The following CRKL variants were observed in gnomAD, a reference collection of about 807,000 sequenced individuals.
The protein encoded by CRKL is CRK like proto-oncogene, adaptor protein, also known as crk-like protein.
In CRKL, 3 loss-of-function variants were observed where a neutral mutation model predicts 23.0. The observed-to-expected ratio is 0.13, with a 90% CI of 0.06 to 0.34. CRKL has a LOEUF of 0.34. Ranked by LOEUF, CRKL falls within the 10% of genes least tolerant of loss-of-function variation. The probability of loss-of-function intolerance (pLI) is 1.00; values close to 1 mark genes in which losing one functional copy is unlikely to be tolerated. For missense variants in CRKL, 256 were observed against 394.5 expected (o/e 0.65, Z 2.97); for synonymous variants, 188 against 160.7 (o/e 1.17, Z -1.28).
In CRKL at chr22:20,938,919, A is replaced by G. The variant is rs1033837093; in HGVS notation, c.777+4675A>G. On this transcript the variant is annotated intron_variant, in intron 2 of 2. Coordinates refer to ENST00000354336, the MANE Select transcript of CRKL (RefSeq NM_005207.4). The stretch of plus-strand genomic sequence containing the variant: ...GTGGGAATTGAAGTCAGTGAAACAG[A>G]TCGTGTGGAGGAAAAATAGTTTCCC... 1.2e-4 allele frequency among the ~76,000 whole-genome samples: 18 copies of G among 152,134 alleles called. 1 individual carries two copies. The highest frequency in any genetic ancestry group is 1.6e-4 in the Non-Finnish European group (11 of 68,016).
chr22:20,947,170 G>A (rs933984786), intron 2 of CRKL, among the ~76,000 whole-genome samples: 2 of 151,526 alleles, frequency 1.3e-5, no homozygotes, highest in Non-Finnish European at 2.9e-5. Context: ...CTTGAATCCT[G>A]TGCTCTGCAG....
intron 2 of CRKL, among the ~76,000 whole-genome samples, chr22:20,946,604 C>A (rs985055935): frequency 2.0e-5 from 3 of 152,076 alleles, no homozygotes; most frequent in Non-Finnish European, 2.9e-5. Flanking sequence ...GCCCCGTGAA[C>A]TGAGTTGGTA....
rs1422177625 is a variant in CRKL at position 20,918,049 on chromosome 22, C to G, written c.115C>G (p.Arg39Gly). Residue 39 changes from arginine (R) to glycine (G), a missense_variant, in exon 1 of 3, where the codon CGC becomes GGC. This residue lies in a region of CRKL where 85 missense variants were observed against 139.8 expected (regional missense o/e 0.61). Coordinates refer to ENST00000354336, the MANE Select transcript of CRKL (RefSeq NM_005207.4). ...CCAGCGCCACGGTATGTTCCTCGTC[C>G]GCGATTCTTCCACCTGCCCTGGGGA... ...QGQRHGMFLV[R>G]DSSTCPGDYV... is the part of the protein sequence containing the mutation. The G allele has an allele frequency of 6.2e-7, 1 of 1,614,260 alleles. No individual in the cohort carries two copies. The highest frequency in any genetic ancestry group is 8.5e-7 in the Non-Finnish European group (1 of 1,180,048).
chr22:20,917,910 G>C lies in CRKL; in HGVS notation c.-25G>C, dbSNP rs765714568. The stretch of plus-strand genomic sequence containing the variant: ...GGCGAGGACAGCCGCCGCCCCTACC[G>C]CCGCAGAGTCCCCGGTCCAACACCA... On this transcript the variant is annotated 5_prime_UTR_variant, in exon 1 of 3. Coordinates refer to ENST00000354336, the MANE Select transcript of CRKL (RefSeq NM_005207.4). The C allele has an allele frequency of 6.2e-7, 1 of 1,603,130 alleles. No homozygotes were observed. The highest frequency in any genetic ancestry group is 1.1e-5 in the South Asian group (1 of 89,938).
intron 2 of CRKL, among the ~76,000 whole-genome samples, chr22:20,940,535 TAAG>T (rs1215135267): frequency 6.6e-6 from 1 of 150,838 alleles, no homozygotes; most frequent in Non-Finnish European, 1.5e-5. Flanking sequence ...GGTCAGCTCT[TAAG>T]AACACCCTTT....
At chr22:20,941,588 A>ATATATATTTTTTTT (rs1247116681) in intron 2 of CRKL, among the ~76,000 whole-genome samples, 1 of 33,554 alleles carries the variant, frequency 3.0e-5, no homozygotes, top group African/African-American at 1.2e-4. Context: ...GTATATATAT[A>ATATATATTTTTTTT]TTTTTTTTTT....
chr22:20,927,215 C>T (rs191858857), intron 1 of CRKL, among the ~76,000 whole-genome samples: 420 of 8,976 alleles, frequency 0.047, 5 homozygotes, highest in African/African-American at 0.14. Context: ...TTTTTTGAGA[C>T]AGTGTCGCTC....
rs771877816 is a variant in CRKL at position 20,946,723 on chromosome 22, C to CAA, written c.778-2977_778-2976dup. On this transcript the variant is annotated intron_variant, in intron 2 of 2. Transcript: ENST00000354336. ...TGAAGGTGTAGAGCACCCCTCCCTCCAAAAAAAAAAAACAGATTGATCTGC... is the reference window on the plus strand; with the variant it reads ...TGAAGGTGTAGAGCACCCCTCCCTCCAAAAAAAAAAAAAACAGATTGATCTGC... Among the ~76,000 whole-genome samples, 414 of 87,520 alleles carry CAA rather than the reference C, an allele frequency of 4.7e-3. 2 individuals are homozygous for CAA. Among genetic ancestry groups the CAA allele is most frequent in the South Asian group, 0.011 (17 of 1,554 alleles). 57.4% of individuals were successfully genotyped at this position (87,520 alleles called of 152,430 possible).
chr22:20,918,385 A>C, intron 1 of CRKL, 140 bp downstream of exon 1: 5 of 954,128 alleles, frequency 5.2e-6, no homozygotes, highest in Non-Finnish European at 4.6e-6. Flanking sequence ...GGCCTTCCTA[A>C]CAGAAAGCTA....
At chr22:20,935,029 T>C (rs1402945681) in intron 2 of CRKL, among the ~76,000 whole-genome samples, 1 of 152,074 alleles carries the variant, frequency 6.6e-6, no homozygotes, top group Non-Finnish European at 1.5e-5. Flanking sequence ...TTAGCCAGGA[T>C]GGTGTCGATC....
intron 2 of CRKL, among the ~76,000 whole-genome samples, chr22:20,942,974 C>A (rs1004945904): frequency 6.6e-6 from 1 of 152,104 alleles, no homozygotes; most frequent in African/African-American, 2.4e-5. Context: ...TCCATTCCAA[C>A]CAGCAGTATA....
chr22:20,921,931 A>C (rs1601672437), intron 1 of CRKL, among the ~76,000 whole-genome samples: 1 of 147,286 alleles, frequency 6.8e-6, no homozygotes, highest in East Asian at 2.0e-4. Flanking sequence ...GATAGTCTCG[A>C]TCTCCTAACC....
At chr22:20,934,682 A>G (rs570317098) in intron 2 of CRKL, among the ~76,000 whole-genome samples, 3 of 152,236 alleles carry the variant, frequency 2.0e-5, no homozygotes, top group African/African-American at 7.2e-5. Context: ...AAAGATAATG[A>G]TTAAGGAAGA....
chr22:20,926,143 G>T (rs1048087957), intron 1 of CRKL, among the ~76,000 whole-genome samples: 3 of 152,158 alleles, frequency 2.0e-5, no homozygotes, highest in Admixed American at 2.0e-4. Context: ...GTGCTTGCTG[G>T]TAAAGACACA....
At chr22:20,936,833 T>C (rs1260593117) in intron 2 of CRKL, among the ~76,000 whole-genome samples, 1 of 150,614 alleles carries the variant, frequency 6.6e-6, no homozygotes, top group Non-Finnish European at 1.5e-5. Context: ...CAGATAGGAG[T>C]GCTGGCTGAG....
chr22:20,937,685 C>CA (rs982855906), intron 2 of CRKL, among the ~76,000 whole-genome samples: 1 of 151,518 alleles, frequency 6.6e-6, no homozygotes, highest in African/African-American at 2.4e-5. Flanking sequence ...TCTCTGGCCC[C>CA]AGAGAGAGGT....
chr22:20,938,356 A>G (rs1921740573), intron 2 of CRKL, among the ~76,000 whole-genome samples: 2 of 152,150 alleles, frequency 1.3e-5, no homozygotes, highest in African/African-American at 4.8e-5. Flanking sequence ...TTCTGCAAGG[A>G]AAGAGTTGAT....
At chr22:20,935,117 G>A (rs138753406) in intron 2 of CRKL, among the ~76,000 whole-genome samples, 7 of 151,392 alleles carry the variant, frequency 4.6e-5, no homozygotes, top group Non-Finnish European at 8.8e-5. Flanking sequence ...CCCGGCCCAG[G>A]AATGATTTTT....
In CRKL at chr22:20,952,730, C is replaced by G. The variant is rs868173144; in HGVS notation, c.*2885C>G. 4.3e-6 allele frequency: 1 copy of G among 231,542 alleles called. No individual in the cohort carries two copies. Among genetic ancestry groups the G allele is most frequent in the Non-Finnish European group, 8.5e-6 (1 of 117,068 alleles). The allele number at this position is 231,542 out of a possible 1,614,324, so 14.3% of individuals were successfully genotyped here. ...GTTAAATTAACTCACTATGGTTTTT[C>G]ACCTGGGAAGGAAACAAATTACGTA... On this transcript the variant is annotated 3_prime_UTR_variant, in exon 3 of 3. Transcript: ENST00000354336.
Sources: gnomAD v4.1 joint callset for allele counts (sites outside exome capture counted in the v4.1 genomes callset) on GRCh38, gnomAD v4.1.1 for gene constraint, gnomAD v4.1.1 regional missense constraint, MANE v1.5 for transcripts, NCBI Gene and HGNC (gene_info 2026-07-23, HGNC 2026-07-21) for gene names.